The following ZNF608 variants were observed in gnomAD, a reference collection of about 807,000 sequenced individuals.
ZNF608 encodes the protein zinc finger protein 608.
Under a neutral mutation model 109.0 loss-of-function variants are expected in ZNF608, and 12 were observed. That is an observed-to-expected ratio of 0.11 (90% CI 0.07 to 0.18). ZNF608 has a LOEUF of 0.18. Ranked by LOEUF, ZNF608 falls within the 10% of genes least tolerant of loss-of-function variation. The probability of loss-of-function intolerance (pLI) is 1.00; values close to 1 mark genes in which losing one functional copy is unlikely to be tolerated. For missense variants in ZNF608, 1,707 were observed against 1,879.3 expected (o/e 0.91, Z 1.70); for synonymous variants, 732 against 717.4 (o/e 1.02, Z -0.33).
In ZNF608 at chr5:124,744,478, C is replaced by A; in HGVS notation, c.512G>T (p.Ser171Ile). The part of the protein sequence containing the change: ...GSGNPNSNST[S>I]TSTSAATAGA... ...CGCGGTGGCGGCAGAGGTGCTGGTG[C>A]TGGTACTATTGCTGTTTGGGTTGCC... The change falls in exon 2 of 10, where the codon AGC becomes ATC. Residue 171 changes from serine to isoleucine, a missense_variant. Around this residue, in one of 7 missense-constraint regions of ZNF608, gnomAD observed 407 missense variants for 398.7 expected, o/e 1.02. Transcript: ENST00000513986. This position sits in a 1 kb window ranked among gnomAD's most constrained non-coding sequence, Gnocchi z 4.5. The A allele has an allele frequency of 1.9e-6, 3 of 1,614,218 alleles. No homozygotes were observed. Among genetic ancestry groups the A allele is most frequent in the Non-Finnish European group, 2.5e-6 (3 of 1,180,044 alleles).
chr5:124,746,296 A>C lies in ZNF608; in HGVS notation c.-285T>G. The C allele has an allele frequency of 1.0e-6, 1 of 985,436 alleles. No individual in the cohort carries two copies. Among genetic ancestry groups the C allele is most frequent in the Non-Finnish European group, 1.2e-6 (1 of 829,944 alleles). 61.0% of individuals were successfully genotyped at this position (985,436 alleles called of 1,614,324 possible). A position where few individuals can be genotyped will look rare whatever the true frequency, so the allele number is the denominator to read the frequency against. ...GTGCCTCATTTTACTTAAACACCAA[A>C]TGATCAAGAAGGAAGAAACCAAATA... On this transcript the variant is annotated 5_prime_UTR_variant, in exon 1 of 10. Coordinates refer to ENST00000513986, the MANE Select transcript of ZNF608 (RefSeq NM_020747.3).
intron 2 of ZNF608, among the ~76,000 whole-genome samples, chr5:124,721,694 G>C (rs1385792798): frequency 3.9e-5 from 6 of 152,028 alleles, no homozygotes; most frequent in African/African-American, 4.8e-5. Context: ...TCAACACTTT[G>C]GGAGGCTGAG....
In ZNF608 at chr5:124,745,270, G is replaced by C. The variant is rs189217217; in HGVS notation, c.-183-98C>G. On this transcript the variant is annotated intron_variant, in intron 1 of 9. Transcript: ENST00000513986. Reference sequence around the variant, plus strand: ...GGAATCAGTAAAGGGGACAGGGAAGGATGGAGAGTAAGGTGGCTCATGTAT... The same window carrying C: ...GGAATCAGTAAAGGGGACAGGGAAGCATGGAGAGTAAGGTGGCTCATGTAT... 7 of 1,122,736 alleles carry C rather than the reference G, an allele frequency of 6.2e-6. No homozygotes were observed. In the East Asian group the frequency reaches 2.2e-4, roughly 35 times the overall value. The allele number at this position is 1,122,736 out of a possible 1,614,324, so 69.5% of individuals were successfully genotyped here.
At chr5:124,703,811 G>A (rs907267822) in intron 2 of ZNF608, among the ~76,000 whole-genome samples, 7 of 151,926 alleles carry the variant, frequency 4.6e-5, no homozygotes, top group Non-Finnish European at 7.4e-5. Context: ...CTTTTCAGCC[G>A]CCTAATATTG....
chr5:124,643,741 A>C (rs1455875322), intron 6 of ZNF608, 58 bp from the exon 7 acceptor site: 3 of 1,565,166 alleles, frequency 1.9e-6, no homozygotes, highest in Non-Finnish European at 2.6e-6. Flanking sequence ...AAAAAAAATC[A>C]TTTGGGTTAC....
At chr5:124,699,002 T>C (rs1276879436) in intron 3 of ZNF608, among the ~76,000 whole-genome samples, 1 of 152,142 alleles carries the variant, frequency 6.6e-6, no homozygotes, top group Admixed American at 6.6e-5. Flanking sequence ...GAGTGCTAAG[T>C]CATAGCTAAG....
At chr5:124,708,826 C>T (rs1173074445) in intron 2 of ZNF608, 4 of 447,858 alleles carry the variant, frequency 8.9e-6, no homozygotes, top group South Asian at 4.7e-5. Flanking sequence ...GGGGCCAAGA[C>T]GGATGCTTCC....
intron 3 of ZNF608, among the ~76,000 whole-genome samples, chr5:124,651,645 C>A (rs960086241): frequency 2.6e-5 from 4 of 152,268 alleles, no homozygotes; most frequent in Non-Finnish European, 5.9e-5. Flanking sequence ...AAAGTCTGCA[C>A]AGACACTTAA....
chr5:124,706,843 T>C (rs986129743), intron 2 of ZNF608, among the ~76,000 whole-genome samples: 8 of 152,176 alleles, frequency 5.3e-5, no homozygotes, highest in African/African-American at 1.9e-4. Flanking sequence ...TTTTGCATGA[T>C]TATTCCCAGG....
In ZNF608 at chr5:124,744,996, G is replaced by A; in HGVS notation, c.-7C>T. 1 of 1,597,774 alleles carries A rather than the reference G, an allele frequency of 6.3e-7. No homozygotes were observed. Among genetic ancestry groups the A allele is most frequent in the Non-Finnish European group, 8.5e-7 (1 of 1,171,974 alleles). ...TAGAAATGTTCACTGACATCCTGAAGATGAGCTCTCTAGAATAAAAATCCG... is the reference window on the plus strand; with the variant it reads ...TAGAAATGTTCACTGACATCCTGAAAATGAGCTCTCTAGAATAAAAATCCG... On this transcript the variant is annotated 5_prime_UTR_variant, in exon 2 of 10. Coordinates refer to ENST00000513986, the MANE Select transcript of ZNF608 (RefSeq NM_020747.3). This position sits in a 1 kb window ranked among gnomAD's most constrained non-coding sequence, Gnocchi z 4.5.
rs113062278 is a variant in ZNF608 at position 124,654,473 on chromosome 5, A to G, written c.1163-4776T>C. ...TAATGAATTAGAAGCAAATGGAGACAAATGCAAAGGTTCTCACTTCTGTGA... is the reference window on the plus strand; with the variant it reads ...TAATGAATTAGAAGCAAATGGAGACGAATGCAAAGGTTCTCACTTCTGTGA... On this transcript the variant is annotated intron_variant, in intron 3 of 9. Transcript: ENST00000513986. Among the ~76,000 whole-genome samples, 396 of 152,364 alleles carry G rather than the reference A, an allele frequency of 2.6e-3. 1 individual carries two copies. The highest frequency in any genetic ancestry group is 4.2e-3 in the Non-Finnish European group (285 of 68,038).
At chr5:124,731,890 A>G (rs373001800) in intron 2 of ZNF608, among the ~76,000 whole-genome samples, 10 of 152,310 alleles carry the variant, frequency 6.6e-5, no homozygotes, top group East Asian at 5.8e-4. Context: ...CTCTTTCCTC[A>G]CTAATACGGA....
intron 3 of ZNF608, among the ~76,000 whole-genome samples, chr5:124,696,727 T>TAGC (rs1752863838): frequency 6.6e-6 from 1 of 152,226 alleles, no homozygotes; most frequent in Non-Finnish European, 1.5e-5. Context: ...AGCATCTTGA[T>TAGC]AGACACTATC....
At chr5:124,726,764 AG>A (rs1486291094) in intron 2 of ZNF608, among the ~76,000 whole-genome samples, 2 of 152,006 alleles carry the variant, frequency 1.3e-5, no homozygotes, top group Admixed American at 1.3e-4. Flanking sequence ...ATGGCCTACA[AG>A]GCCCTGCATG....
intron 3 of ZNF608, among the ~76,000 whole-genome samples, chr5:124,691,562 C>CTGT (rs1752633067): frequency 3.3e-5 from 5 of 152,140 alleles, no homozygotes; most frequent in Admixed American, 3.3e-4. Flanking sequence ...TTCACAATAG[C>CTGT]CAACATATGA....
intron 7 of ZNF608, 36 bp from the exon 8 acceptor site, chr5:124,641,441 T>C: frequency 6.3e-7 from 1 of 1,580,226 alleles, no homozygotes; most frequent in South Asian, 1.2e-5. Flanking sequence ...CCCTTCATGC[T>C]CTGAAAATCA....
In ZNF608 at chr5:124,694,142, A is replaced by ATTTTTT. The variant is rs11320730; in HGVS notation, c.1162+6866_1162+6871dup. Among the ~76,000 whole-genome samples the ATTTTTT allele has an allele frequency of 1.8e-3, 116 of 63,914 alleles. 2 individuals carry two copies. The highest frequency in any genetic ancestry group is 5.0e-3 in the African/African-American group (90 of 18,082). 41.9% of individuals were successfully genotyped at this position (63,914 alleles called of 152,430 possible). On this transcript the variant is annotated intron_variant, in intron 3 of 9. Transcript: ENST00000513986. The stretch of plus-strand genomic sequence containing the variant: ...AGGCGCCCGCCACCACGCTCGGCTA[A>ATTTTTT]TTTTTTTTTTTTTTTTTTTTTTTTT...
At chr5:124,674,287 C>A (rs1035669283) in intron 3 of ZNF608, among the ~76,000 whole-genome samples, 1 of 152,120 alleles carries the variant, frequency 6.6e-6, no homozygotes, top group Non-Finnish European at 1.5e-5. Context: ...GTTCAAAAAC[C>A]GCTGCACATT....
chr5:124,743,427 C>A (rs917802909), intron 2 of ZNF608, among the ~76,000 whole-genome samples: 3 of 152,164 alleles, frequency 2.0e-5, no homozygotes, highest in East Asian at 1.9e-4. Context: ...GCCACCAAAA[C>A]CATCGAGTTT....
Sources: gnomAD v4.1 joint callset for allele counts (sites outside exome capture counted in the v4.1 genomes callset) on GRCh38, gnomAD v4.1.1 for gene constraint, gnomAD v4.1.1 regional missense constraint, Gnocchi (gnomAD v3.1) non-coding constraint, MANE v1.5 for transcripts, NCBI Gene and HGNC (gene_info 2026-07-23, HGNC 2026-07-21) for gene names.